Variants in BBS9 observed in about 807,000 individuals in gnomAD.
BBS9 encodes the protein Bardet-Biedl syndrome 9, also known as protein PTHB1.
BBS9 carries 89 observed loss-of-function variants against 117.7 expected under a neutral mutation model. The observed-to-expected ratio is 0.76, with a 90% CI of 0.64 to 0.90. The LOEUF (loss-of-function observed/expected upper bound fraction) is 0.90, where lower values mean the gene tolerates loss of function less well. Ranked by LOEUF, BBS9 falls within the 40% of genes least tolerant of loss-of-function variation. BBS9 has a pLI of 0.00. For missense variants in BBS9, 982 were observed against 1,042.2 expected (o/e 0.94, Z 0.80); for synonymous variants, 379 against 370.9 (o/e 1.02, Z -0.25).
At chr7:33,149,063 G>A (rs569441273) in intron 2 of BBS9, among the ~76,000 whole-genome samples, 43 of 152,248 alleles carry the variant, frequency 2.8e-4, no homozygotes, top group African/African-American at 9.9e-4. Context: ...ACTATTTATG[G>A]CTCTTTAAAG....
chr7:33,433,044 G>C, intron 19 of BBS9, among the ~76,000 whole-genome samples: 1 of 151,370 alleles, frequency 6.6e-6, no homozygotes, highest in East Asian at 2.0e-4. Flanking sequence ...TTACCTAAAG[G>C]CTGAAAACTG....
intron 19 of BBS9, among the ~76,000 whole-genome samples, chr7:33,440,999 T>C (rs529242874): frequency 6.6e-6 from 1 of 152,308 alleles, no homozygotes; most frequent in East Asian, 1.9e-4. Flanking sequence ...GGTAGATATA[T>C]TTGTCAGAAT....
intron 19 of BBS9, among the ~76,000 whole-genome samples, chr7:33,482,939 G>C (rs1169638535): frequency 6.6e-6 from 1 of 151,426 alleles, no homozygotes; most frequent in African/African-American, 2.5e-5. Flanking sequence ...ATGGGAAATG[G>C]GAACTGTCCT....
intron 15 of BBS9, among the ~76,000 whole-genome samples, chr7:33,355,956 T>C (rs1414140732): frequency 6.6e-6 from 1 of 151,850 alleles, no homozygotes; most frequent in Non-Finnish European, 1.5e-5. Context: ...TTTAGCAGTA[T>C]AGTTTTGGAG....
chr7:33,613,496 C>T (rs7787233), intron 21 of BBS9, among the ~76,000 whole-genome samples: 54,410 of 151,594 alleles, frequency 0.36, 12,819 homozygotes, highest in African/African-American at 0.67. Flanking sequence ...ATCAGGATTG[C>T]TTGGATAAGA....
At chr7:33,434,289 A>C (rs1421279739) in intron 19 of BBS9, among the ~76,000 whole-genome samples, 9 of 152,132 alleles carry the variant, frequency 5.9e-5, no homozygotes, top group African/African-American at 1.4e-4. Context: ...AAAAAAAAAA[A>C]AAAACTCCGT....
chr7:33,227,874 C>A (rs1791597582), intron 5 of BBS9, among the ~76,000 whole-genome samples: 1 of 152,096 alleles, frequency 6.6e-6, no homozygotes. Context: ...GGCACTTAGG[C>A]TGATTCTATA....
chr7:33,596,068 G>T (rs1365977691), intron 21 of BBS9, among the ~76,000 whole-genome samples: 2 of 151,952 alleles, frequency 1.3e-5, no homozygotes, highest in Non-Finnish European at 2.9e-5. Flanking sequence ...AATAGCTAAT[G>T]CAAGTGGAGC....
chr7:33,292,346 GC>G (rs982401943), intron 9 of BBS9, among the ~76,000 whole-genome samples: 4 of 151,882 alleles, frequency 2.6e-5, no homozygotes, highest in East Asian at 1.9e-4. Flanking sequence ...TCCCACCTCA[GC>G]CCCCCAGGTA....
At chr7:33,280,209 C>G (rs955440765) in intron 9 of BBS9, among the ~76,000 whole-genome samples, 6 of 152,038 alleles carry the variant, frequency 3.9e-5, no homozygotes, top group African/African-American at 1.2e-4. Flanking sequence ...ACAGCAGGTA[C>G]AAGTGCAAGT....
chr7:33,173,868 T>A (rs1162484374), intron 4 of BBS9, among the ~76,000 whole-genome samples: 1 of 152,214 alleles, frequency 6.6e-6, no homozygotes, highest in Non-Finnish European at 1.5e-5. Context: ...CAGACCTCCT[T>A]GGTCAACCTA....
chr7:33,594,166 C>T (rs1205509056), intron 21 of BBS9, among the ~76,000 whole-genome samples: 1 of 152,086 alleles, frequency 6.6e-6, no homozygotes, highest in Non-Finnish European at 1.5e-5. Flanking sequence ...CATGCTGGAC[C>T]TCTTAAAATG....
At chr7:33,568,836 G>T (rs773870050) in intron 21 of BBS9, among the ~76,000 whole-genome samples, 6 of 152,152 alleles carry the variant, frequency 3.9e-5, no homozygotes, top group Non-Finnish European at 8.8e-5. Flanking sequence ...TTGTGTAAAA[G>T]AAATTAAAGC....
chr7:33,335,740 A>T (rs1469395565), intron 9 of BBS9, among the ~76,000 whole-genome samples: 1 of 152,160 alleles, frequency 6.6e-6, no homozygotes, highest in African/African-American at 2.4e-5. Context: ...GAGAAGAGTG[A>T]TAGAGAAAGA....
At chr7:33,294,279 CATCTATCTATCATCT>C (rs1275684797) in intron 9 of BBS9, among the ~76,000 whole-genome samples, 3 of 151,324 alleles carry the variant, frequency 2.0e-5, no homozygotes, top group Non-Finnish European at 4.4e-5. Flanking sequence ...ACAATACTTC[CATCTATCTATCATCT>C]ATCTATCTAT....
intron 9 of BBS9, among the ~76,000 whole-genome samples, chr7:33,297,646 A>G (rs1172566524): frequency 1.3e-5 from 2 of 152,182 alleles, no homozygotes; most frequent in Non-Finnish European, 1.5e-5. Context: ...CAAAAGATGT[A>G]TCTCACAATA....
intron 9 of BBS9, among the ~76,000 whole-genome samples, chr7:33,322,836 T>C (rs1236236962): frequency 3.3e-5 from 5 of 152,168 alleles, no homozygotes; most frequent in African/African-American, 9.6e-5. Flanking sequence ...GGTTGTTTAT[T>C]TGAAGTTTTT....
At position 33,208,469 on chromosome 7, in the gene BBS9, T is replaced by C. The variant is rs533199520; in HGVS notation, c.442+30878T>C. ...TTGTAGATCCAACCCATGTTGAGAATTTTTGCATTTATTGTTTCACCTTTT... is the reference window on the plus strand; with the variant it reads ...TTGTAGATCCAACCCATGTTGAGAACTTTTGCATTTATTGTTTCACCTTTT... On this transcript the variant is annotated intron_variant, in intron 5 of 22. Transcript: ENST00000242067. Among the ~76,000 whole-genome samples, 8 of 152,346 alleles carry C rather than the reference T, an allele frequency of 5.3e-5. No homozygotes were observed. The South Asian group carries it at 1.7e-3, about 32-fold the overall frequency.
At chr7:33,364,487 T>G (rs76963503) in intron 16 of BBS9, among the ~76,000 whole-genome samples, 1,583 of 152,222 alleles carry the variant, frequency 0.01, 28 homozygotes, top group African/African-American at 0.036. Context: ...CCCTAAATCT[T>G]GCAGCCTTTC....
Sources: allele counts gnomAD v4.1 joint callset (sites outside exome capture counted in the v4.1 genomes callset), GRCh38; gene constraint gnomAD v4.1.1; transcripts MANE v1.5; gene names NCBI Gene and HGNC (gene_info 2026-07-23, HGNC 2026-07-21).